ADAP1: variants seen among roughly 807,000 people sequenced by gnomAD.
ADAP1 encodes the protein ArfGAP with dual PH domains 1.
ADAP1 carries 31 observed loss-of-function variants against 54.9 expected under a neutral mutation model. The ratio of observed to expected loss-of-function variants is 0.56; its 90% CI spans 0.42 to 0.76. The LOEUF (loss-of-function observed/expected upper bound fraction) is 0.76, where lower values mean the gene tolerates loss of function less well. Among genes scored for constraint, ADAP1 ranks in the 30% least tolerant of loss-of-function variants. The pLI, the probability that ADAP1 is intolerant of heterozygous loss-of-function variation, is 0.00. For missense variants in ADAP1, 535 were observed against 512.4 expected, an observed-to-expected ratio of 1.04 and a Z score of -0.42; for synonymous variants, 313 against 202.6, an observed-to-expected ratio of 1.55 and a Z score of -4.63.
intron 2 of ADAP1, among the ~76,000 whole-genome samples, chr7:931,978 G>C (rs752165476): frequency 1.7e-4 from 26 of 152,112 alleles, no homozygotes; most frequent in African/African-American, 5.6e-4. Flanking sequence ...AGGGAGCCAG[G>C]GGGGGCCCAG....
intron 6 of ADAP1, 171 bp from the exon 7 acceptor site, chr7:900,787 A>C: frequency 1.5e-6 from 1 of 658,718 alleles, no homozygotes; most frequent in Non-Finnish European, 2.7e-6. Context: ...CCCTGTGCCC[A>C]CGCTGAGGCC....
chr7:900,063 A>T (rs1554270151), intron 8 of ADAP1, 39 bp downstream of exon 8: 24 of 1,609,706 alleles, frequency 1.5e-5, no homozygotes, highest in Non-Finnish European at 2.0e-5. Context: ...ACCATGGCGT[A>T]CCCCAGGCCA....
Position 898,811 on chromosome 7 carries a change from G to A in ADAP1, c.*110C>T. The stretch of plus-strand genomic sequence containing the variant: ...CTACCTGGCCGCGCCGGGCTGCCCT[G>A]AGGAGCAGGTGGGGCCAGGTGGCCT... On this transcript the variant is annotated 3_prime_UTR_variant, in exon 11 of 11. Transcript: ENST00000265846. 6.8e-7 allele frequency: 1 copy of A among 1,466,922 alleles called. No homozygotes were observed. Among genetic ancestry groups the A allele is most frequent in the Non-Finnish European group, 9.2e-7 (1 of 1,081,864 alleles). 90.9% of individuals were successfully genotyped at this position (1,466,922 alleles called of 1,614,324 possible). A position where few individuals can be genotyped will look rare whatever the true frequency, so the allele number is the denominator to read the frequency against.
rs866700940 is a variant in ADAP1 at position 906,657 on chromosome 7, G to A, written c.389-1485C>T. 9.9e-4 allele frequency among the ~76,000 whole-genome samples: 85 copies of A among 86,074 alleles called. 3 individuals are homozygous for A. The highest frequency in any genetic ancestry group is 2.2e-3 in the Admixed American group (20 of 9,144). 56.5% of individuals were successfully genotyped at this position (86,074 alleles called of 152,430 possible). A position where few individuals can be genotyped will look rare whatever the true frequency, so the allele number is the denominator to read the frequency against. Reference sequence around the variant, plus strand: ...AAAGGAGAAAGGGAAAGGAGAAAGGGGGCGGGAAAGGGGACATGGACAGGG... The same window carrying A: ...AAAGGAGAAAGGGAAAGGAGAAAGGAGGCGGGAAAGGGGACATGGACAGGG... On this transcript the variant is annotated intron_variant, in intron 4 of 10. Coordinates refer to ENST00000265846, the MANE Select transcript of ADAP1 (RefSeq NM_006869.4).
chr7:906,464 A>AGAAAGGAGAAAGGAGAAAGGAGAAAGG lies in ADAP1; in HGVS notation c.389-1319_389-1293dup, dbSNP rs1845345253. Among the ~76,000 whole-genome samples, 2 of 84,564 alleles carry AGAAAGGAGAAAGGAGAAAGGAGAAAGG rather than the reference A, an allele frequency of 2.4e-5. 1 individual carries two copies. Among genetic ancestry groups the AGAAAGGAGAAAGGAGAAAGGAGAAAGG allele is most frequent in the Non-Finnish European group, 4.9e-5 (2 of 41,040 alleles). The allele number at this position is 84,564 out of a possible 152,430, so 55.5% of individuals were successfully genotyped here. On this transcript the variant is annotated intron_variant, in intron 4 of 10. Transcript: ENST00000265846. ...AAAGGAGAAAGGAGAAAGGGAAAGG[A>AGAAAGGAGAAAGGAGAAAGGAGAAAGG]GAAAGGAGAAAGGAGAAAGGAGAAA...
chr7:901,096 C>G (rs772574769), intron 6 of ADAP1: 1 of 462,854 alleles, frequency 2.2e-6, no homozygotes, highest in Non-Finnish European at 4.5e-6. Context: ...TGGCCCCTAC[C>G]GAGAGTGGGC....
chr7:900,875 AGGGCC>A, intron 6 of ADAP1: 1 of 617,008 alleles, frequency 1.6e-6, no homozygotes, highest in South Asian at 1.5e-5. Flanking sequence ...GAAGGGCCGA[AGGGCC>A]GAAGGGCCGG....
Position 920,654 on chromosome 7 carries a change from A to G in ADAP1, c.306-604T>C. ...ACTACCGGCAAATACCCAAGAATCCAGGAAGACCCGGGATGAGGAGAAGCC... is the reference window on the plus strand; with the variant it reads ...ACTACCGGCAAATACCCAAGAATCCGGGAAGACCCGGGATGAGGAGAAGCC... On this transcript the variant is annotated intron_variant, in intron 3 of 10. Coordinates refer to ENST00000265846, the MANE Select transcript of ADAP1 (RefSeq NM_006869.4). The surrounding 1 kb of genome is among the most constrained non-coding windows in gnomAD (Gnocchi z 4.5). 1 of 764,536 alleles carries G rather than the reference A, an allele frequency of 1.3e-6. No homozygotes were observed. Among genetic ancestry groups the G allele is most frequent in the Non-Finnish European group, 2.0e-6 (1 of 488,150 alleles). 47.4% of individuals were successfully genotyped at this position (764,536 alleles called of 1,614,324 possible).
chr7:953,509 G>C (rs1369581548), intron 1 of ADAP1, among the ~76,000 whole-genome samples: 2 of 152,188 alleles, frequency 1.3e-5, no homozygotes, highest in African/African-American at 2.4e-5. Context: ...CTCAGTCACC[G>C]CCGGTGAGTT....
chr7:927,450 C>A (rs1254106265), intron 2 of ADAP1: 7 of 476,172 alleles, frequency 1.5e-5, no homozygotes, highest in Admixed American at 1.4e-4. Context: ...TGCTGTAAGC[C>A]CCCAAGGCAG....
chr7:899,320 A>G, intron 9 of ADAP1, 59 bp from the exon 10 acceptor site: 1 of 1,605,326 alleles, frequency 6.2e-7, no homozygotes, highest in East Asian at 2.2e-5. Context: ...CGCTTCACTC[A>G]GGCCAGGACT....
chr7:913,500 C>G (rs1845809260), intron 4 of ADAP1, among the ~76,000 whole-genome samples: 1 of 152,188 alleles, frequency 6.6e-6, no homozygotes, highest in African/African-American at 2.4e-5. Flanking sequence ...CGCGCCCGGT[C>G]CTCCCCTTTC....
Position 926,622 on chromosome 7 carries a change from T to G in ADAP1, c.236A>C (p.Asp79Ala), listed in dbSNP as rs539010339. 4.5e-6 allele frequency: 7 copies of G among 1,543,702 alleles called. No homozygotes were observed. The highest frequency in any genetic ancestry group is 1.4e-5 in the African/African-American group (1 of 72,288). ...GGACTCAAACCTGGCTCTCGCGGCGTCGTTCCCGTGGGAGGCCATGAACTG... is the reference window on the plus strand; with the variant it reads ...GGACTCAAACCTGGCTCTCGCGGCGGCGTTCCCGTGGGAGGCCATGAACTG... ...QVEFMASHGN[D>A]AARARFESKV... The change falls in exon 3 of 11, where the codon GAC (aspartate) becomes GCC (alanine). Residue 79 changes from aspartate (D) to alanine (A), a missense_variant. Physicochemically the swap from Asp to Ala is moderately radical, Grantham distance 126. Coordinates refer to ENST00000265846, the MANE Select transcript of ADAP1 (RefSeq NM_006869.4). This position sits in a 1 kb window ranked among gnomAD's most constrained non-coding sequence, Gnocchi z 4.6.
chr7:900,245 C>T, intron 7 of ADAP1, 81 bp from the exon 8 acceptor site: 1 of 1,548,836 alleles, frequency 6.5e-7, no homozygotes, highest in Non-Finnish European at 8.9e-7. Context: ...CCTCTGTGCT[C>T]CCCTCACCCC....
intron 6 of ADAP1, chr7:901,259 T>TGC (rs1272731208): frequency 2.8e-6 from 1 of 352,750 alleles, no homozygotes; most frequent in African/African-American, 2.1e-5. Flanking sequence ...GGCTGTCCCC[T>TGC]GCCCCTAGAC....
chr7:947,207 T>A (rs1847162287), intron 1 of ADAP1, among the ~76,000 whole-genome samples: 1 of 135,706 alleles, frequency 7.4e-6, no homozygotes, highest in African/African-American at 2.8e-5. Context: ...ATCTGGCTGA[T>A]TTTTTGGTTT....
chr7:933,338 C>T (rs769986294), intron 2 of ADAP1, among the ~76,000 whole-genome samples: 4 of 152,092 alleles, frequency 2.6e-5, no homozygotes, highest in Non-Finnish European at 1.5e-5. Context: ...GCTGGGATTA[C>T]AGGCACCACC....
At chr7:906,220 G>GA (rs373529749) in intron 4 of ADAP1, among the ~76,000 whole-genome samples, 107 of 10,240 alleles carry the variant, frequency 0.01, no homozygotes, top group Non-Finnish European at 0.013. Context: ...AAGGAGAAAG[G>GA]GAAAGGAGAA....
intron 4 of ADAP1, among the ~76,000 whole-genome samples, chr7:919,054 G>A (rs1241939767): frequency 6.6e-6 from 1 of 152,152 alleles, no homozygotes; most frequent in Non-Finnish European, 1.5e-5. Flanking sequence ...GGCCCCCATG[G>A]CACTGCCTCC....
Sources: gnomAD v4.1 joint callset for allele counts (sites outside exome capture counted in the v4.1 genomes callset) on GRCh38, gnomAD v4.1.1 for gene constraint, Gnocchi (gnomAD v3.1) non-coding constraint, MANE v1.5 for transcripts, NCBI Gene and HGNC (gene_info 2026-07-23, HGNC 2026-07-21) for gene names.